The following SEPTIN7 variants were observed in gnomAD, a reference collection of about 807,000 sequenced individuals.
The protein encoded by SEPTIN7 is septin 7.
SEPTIN7 carries 10 observed loss-of-function variants against 63.3 expected under a neutral mutation model. The observed-to-expected ratio is 0.16, with a 90% CI of 0.10 to 0.27. SEPTIN7 has a LOEUF of 0.27. Ranked by LOEUF, SEPTIN7 falls within the 10% of genes least tolerant of loss-of-function variation. The probability of loss-of-function intolerance (pLI) is 1.00; values close to 1 mark genes in which losing one functional copy is unlikely to be tolerated. For missense variants in SEPTIN7, 310 were observed against 521.0 expected (o/e 0.59, Z 3.94); for synonymous variants, 131 against 165.3 (o/e 0.79, Z 1.59).
At chr7:35,814,262 G>C (rs527771565) in intron 1 of SEPTIN7, among the ~76,000 whole-genome samples, 1 of 152,248 alleles carries the variant, frequency 6.6e-6, no homozygotes, top group Admixed American at 6.5e-5. Flanking sequence ...AATTCAGGTT[G>C]TTCCATGTGC....
chr7:35,881,549 G>C (rs1786880732), intron 7 of SEPTIN7, among the ~76,000 whole-genome samples: 1 of 149,732 alleles, frequency 6.7e-6, no homozygotes, highest in Admixed American at 6.6e-5. Flanking sequence ...AAAGAAGTGT[G>C]GTCCTATTTT....
At chr7:35,813,193 C>G (rs1414533167) in intron 1 of SEPTIN7, among the ~76,000 whole-genome samples, 1 of 152,066 alleles carries the variant, frequency 6.6e-6, no homozygotes, top group Non-Finnish European at 1.5e-5. Flanking sequence ...TGTAACTTAC[C>G]CGCCTGAACA....
At chr7:35,889,268 A>G (rs1348247664) in intron 10 of SEPTIN7, among the ~76,000 whole-genome samples, 1 of 152,214 alleles carries the variant, frequency 6.6e-6, no homozygotes, top group Non-Finnish European at 1.5e-5. Flanking sequence ...ACTTGCCTGA[A>G]GTGGAGTGGT....
At chr7:35,827,042 T>C (rs1783552000) in intron 1 of SEPTIN7, among the ~76,000 whole-genome samples, 1 of 152,206 alleles carries the variant, frequency 6.6e-6, no homozygotes, top group Non-Finnish European at 1.5e-5. Flanking sequence ...GTATTTAAGT[T>C]GATTTTTCCA....
chr7:35,812,129 A>C (rs1788760712), intron 1 of SEPTIN7: 3 of 52,460 alleles, frequency 5.7e-5, no homozygotes, highest in Non-Finnish European at 3.4e-5. Context: ...TCTCCAAAAC[A>C]AAAAAAAAAA....
chr7:35,871,015 G>C (rs1786112103), intron 4 of SEPTIN7, among the ~76,000 whole-genome samples: 1 of 151,950 alleles, frequency 6.6e-6, no homozygotes, highest in Non-Finnish European at 1.5e-5. Flanking sequence ...TGATACTGAG[G>C]ATGATCAGAA....
intron 1 of SEPTIN7, among the ~76,000 whole-genome samples, chr7:35,807,901 C>A (rs1788455890): frequency 6.6e-6 from 1 of 151,992 alleles, no homozygotes; most frequent in Non-Finnish European, 1.5e-5. Flanking sequence ...TGGCTCACTG[C>A]AACCTCTGCC....
intron 10 of SEPTIN7, among the ~76,000 whole-genome samples, chr7:35,887,689 C>A (rs760204323): frequency 1.3e-5 from 2 of 152,172 alleles, no homozygotes; most frequent in Non-Finnish European, 2.9e-5. Flanking sequence ...CACAGCCTGG[C>A]GGCTAGTGAG....
At chr7:35,836,698 A>G (rs1784099324) in intron 3 of SEPTIN7, among the ~76,000 whole-genome samples, 1 of 152,146 alleles carries the variant, frequency 6.6e-6, no homozygotes, top group Non-Finnish European at 1.5e-5. Flanking sequence ...TGACTATCCT[A>G]GTTGTCATTT....
In SEPTIN7 at chr7:35,906,580, CTAA is replaced by C. The variant is rs563676376; in HGVS notation, c.*2293_*2295del. On this transcript the variant is annotated 3_prime_UTR_variant, in exon 14 of 14. Coordinates refer to ENST00000350320, the MANE Select transcript of SEPTIN7 (RefSeq NM_001788.6). The stretch of plus-strand genomic sequence containing the variant: ...TTAAGTGGGGCTGAACAAGTAAGCA[CTAA>C]TAATACCAGTGAACCACTTGGGCAC... 1.3e-4 allele frequency: 20 copies of C among 152,320 alleles called. No individual in the cohort carries two copies. The highest frequency in any genetic ancestry group is 4.8e-4 in the African/African-American group (20 of 41,574). 9.4% of individuals were successfully genotyped at this position (152,320 alleles called of 1,614,324 possible). A position where few individuals can be genotyped will look rare whatever the true frequency, so the allele number is the denominator to read the frequency against.
At chr7:35,896,676 T>C (rs1787977771) in intron 11 of SEPTIN7, among the ~76,000 whole-genome samples, 1 of 152,242 alleles carries the variant, frequency 6.6e-6, no homozygotes, top group Non-Finnish European at 1.5e-5. Flanking sequence ...GACTCCACTT[T>C]TAAAATGCAG....
intron 1 of SEPTIN7, among the ~76,000 whole-genome samples, chr7:35,826,397 A>T (rs1049764502): frequency 1.7e-4 from 25 of 148,988 alleles, no homozygotes; most frequent in Non-Finnish European, 3.3e-4. Context: ...ATGTATATTT[A>T]TATATATATA....
rs1788535079 is a variant in SEPTIN7, at chr7:35,904,985, T to C, written c.*692T>C. 1 of 152,660 alleles carries C rather than the reference T, an allele frequency of 6.6e-6. No homozygotes were observed. The highest frequency in any genetic ancestry group is 1.5e-5 in the Non-Finnish European group (1 of 68,042). 9.5% of individuals were successfully genotyped at this position (152,660 alleles called of 1,614,324 possible). On this transcript the variant is annotated 3_prime_UTR_variant, in exon 14 of 14. Coordinates refer to ENST00000350320, the MANE Select transcript of SEPTIN7 (RefSeq NM_001788.6). ...ATTTAATTTAGATATTTTCCATATA[T>C]TGGCACTGCTAAAATAGAATATAGC...
At chr7:35,828,475 A>G (rs13223501) in intron 1 of SEPTIN7, among the ~76,000 whole-genome samples, 13 of 152,166 alleles carry the variant, frequency 8.5e-5, no homozygotes, top group Non-Finnish European at 1.8e-4. Flanking sequence ...TCCCAGGTTC[A>G]AGCGATTCTT....
intron 1 of SEPTIN7, among the ~76,000 whole-genome samples, chr7:35,819,790 G>A (rs1789302595): frequency 6.6e-6 from 1 of 151,602 alleles, no homozygotes; most frequent in African/African-American, 2.4e-5. Context: ...CAATCTGTTT[G>A]TGTTTGTGAT....
At chr7:35,862,641 C>A (rs750589092) in intron 3 of SEPTIN7, among the ~76,000 whole-genome samples, 26 of 152,150 alleles carry the variant, frequency 1.7e-4, no homozygotes, top group Admixed American at 5.2e-4. Flanking sequence ...AAGGATCTTA[C>A]CTCTTTTGAG....
At chr7:35,883,527 G>A (rs576255188) in intron 8 of SEPTIN7, among the ~76,000 whole-genome samples, 14 of 152,098 alleles carry the variant, frequency 9.2e-5, no homozygotes, top group Admixed American at 7.9e-4. Context: ...AAGTAGGCAA[G>A]CTAGTCATTA....
Position 35,837,622 on chromosome 7 carries a change from A to T in SEPTIN7, c.169+4722A>T, listed in dbSNP as rs969909585. ...AAGTTGTGTACCATTTTGTATGCTC[A>T]TCAAGTGTTGACAGCACTGTTTTTC... On this transcript the variant is annotated intron_variant, in intron 3 of 13. Transcript: ENST00000350320. Among the ~76,000 whole-genome samples, 29 of 152,352 alleles carry T rather than the reference A, an allele frequency of 1.9e-4. 1 individual carries two copies. Among genetic ancestry groups the T allele is most frequent in the African/African-American group, 5.3e-4 (22 of 41,588 alleles).
chr7:35,822,998 C>T (rs1583508167), intron 1 of SEPTIN7, among the ~76,000 whole-genome samples: 1 of 152,116 alleles, frequency 6.6e-6, no homozygotes, highest in Admixed American at 6.5e-5. Context: ...CTTGACTGTG[C>T]TTGAGCCATC....
Sources: allele counts gnomAD v4.1 joint callset (sites outside exome capture counted in the v4.1 genomes callset), GRCh38; gene constraint gnomAD v4.1.1; transcripts MANE v1.5; gene names NCBI Gene and HGNC (gene_info 2026-07-23, HGNC 2026-07-21).